The following SNRNP48 variants were observed in gnomAD, a reference collection of about 807,000 sequenced individuals.
The protein encoded by SNRNP48 is small nuclear ribonucleoprotein U11/U12 subunit 48.
Under a neutral mutation model 47.0 loss-of-function variants are expected in SNRNP48, and 43 were observed. The ratio of observed to expected loss-of-function variants is 0.92; its 90% CI spans 0.72 to 1.18. SNRNP48 has a LOEUF of 1.18. Among genes scored for constraint, SNRNP48 ranks in the 50% most tolerant of loss-of-function variants. SNRNP48 has a pLI of 0.00. For missense variants in SNRNP48, 396 were observed against 422.2 expected (o/e 0.94, Z 0.54); for synonymous variants, 138 against 144.0 (o/e 0.96, Z 0.30).
intron 1 of SNRNP48, among the ~76,000 whole-genome samples, chr6:7,590,894 C>G (rs189628837): frequency 1.4e-4 from 21 of 152,330 alleles, no homozygotes; most frequent in Admixed American, 4.6e-4. Flanking sequence ...GGAAGGATAG[C>G]TTGAGCCCAG....
chr6:7,606,700 A>G (rs1164929525), intron 8 of SNRNP48, among the ~76,000 whole-genome samples: 1 of 152,190 alleles, frequency 6.6e-6, no homozygotes, highest in Non-Finnish European at 1.5e-5. Context: ...AATGTAAATC[A>G]TTTGAGGTCT....
chr6:7,593,370 G>A (rs1240169555), intron 1 of SNRNP48, among the ~76,000 whole-genome samples: 1 of 152,108 alleles, frequency 6.6e-6, no homozygotes, highest in Admixed American at 6.5e-5. Flanking sequence ...ACAAGACAGT[G>A]ACATGTTTTT....
At chr6:7,599,789 T>G (rs1245028668) in intron 4 of SNRNP48, 3 of 1,255,990 alleles carry the variant, frequency 2.4e-6, no homozygotes, top group African/African-American at 1.5e-5. Flanking sequence ...AAACTTTATC[T>G]TAATACCTGT....
In SNRNP48 at chr6:7,590,387, G is replaced by T; in HGVS notation, c.130G>T (p.Asp44Tyr). 1 of 1,346,730 alleles carries T rather than the reference G, an allele frequency of 7.4e-7. No individual in the cohort carries two copies. Among genetic ancestry groups the T allele is most frequent in the Non-Finnish European group, 9.6e-7 (1 of 1,037,850 alleles). The allele number at this position is 1,346,730 out of a possible 1,614,324, so 83.4% of individuals were successfully genotyped here. The change falls in exon 1 of 9, where the codon GAT (aspartate) becomes TAT (tyrosine). Residue 44 changes from aspartate (D) to tyrosine (Y), a missense_variant. Transcript: ENST00000342415. ...ASLGWDLDSL[D>Y]PGEEEAAEDE... ...CCTGGGCTGGGACCTAGATAGTCTG[G>T]ATCCCGGGGAAGAGGAGGCGGCGGA...
intron 4 of SNRNP48, among the ~76,000 whole-genome samples, chr6:7,598,188 TC>T (rs1455319708): frequency 6.6e-6 from 1 of 150,818 alleles, no homozygotes; most frequent in Non-Finnish European, 1.5e-5. Flanking sequence ...TATATGATCT[TC>T]AACCTTCTTT....
chr6:7,593,676 T>G, intron 1 of SNRNP48, 58 bp from the exon 2 acceptor site: 1 of 1,088,148 alleles, frequency 9.2e-7, no homozygotes, highest in Non-Finnish European at 1.3e-6. Flanking sequence ...CATTTAATGG[T>G]AATTATTTAT....
At chr6:7,598,109 T>C (rs1157773695) in intron 4 of SNRNP48, among the ~76,000 whole-genome samples, 15 of 151,908 alleles carry the variant, frequency 9.9e-5, no homozygotes, top group East Asian at 2.0e-4. Context: ...CCTTGTGATC[T>C]GCCCACCTTG....
chr6:7,607,885 A>C (rs1162368079), intron 8 of SNRNP48, among the ~76,000 whole-genome samples: 1 of 152,230 alleles, frequency 6.6e-6, no homozygotes, highest in Non-Finnish European at 1.5e-5. Context: ...AATTAGGTTT[A>C]AAGCTACCTA....
At position 7,592,243 on chromosome 6, in the gene SNRNP48, G is replaced by A. The variant is rs116554069; in HGVS notation, c.157-1491G>A. On this transcript the variant is annotated intron_variant, in intron 1 of 8. Transcript: ENST00000342415. Reference sequence around the variant, plus strand: ...ATGTGTAGAAGTTCAGAGACAGGGAGTGACCAGATCGGGAAGCCTCAAGTA... The same window carrying A: ...ATGTGTAGAAGTTCAGAGACAGGGAATGACCAGATCGGGAAGCCTCAAGTA... 2.4e-3 allele frequency among the ~76,000 whole-genome samples: 361 copies of A among 152,254 alleles called. 1 individual carries two copies. The highest frequency in any genetic ancestry group is 4.5e-3 in the Non-Finnish European group (305 of 68,022).
At chr6:7,595,484 G>A (rs17338513) in intron 4 of SNRNP48, among the ~76,000 whole-genome samples, 4,315 of 152,286 alleles carry the variant, frequency 0.028, 82 homozygotes, top group South Asian at 0.048. Flanking sequence ...ACAATCACAA[G>A]GTTTTAGACT....
Position 7,609,034 on chromosome 6 carries a change from A to G in SNRNP48, c.*161A>G, listed in dbSNP as rs769746543. 4.9e-4 allele frequency: 179 copies of G among 368,144 alleles called. No individual in the cohort carries two copies. The highest frequency in any genetic ancestry group is 5.5e-4 in the Non-Finnish European group (110 of 200,048). 22.8% of individuals were successfully genotyped at this position (368,144 alleles called of 1,614,324 possible). A position where few individuals can be genotyped will look rare whatever the true frequency, so the allele number is the denominator to read the frequency against. On this transcript the variant is annotated 3_prime_UTR_variant, in exon 9 of 9. Transcript: ENST00000342415. ...TAGTGCTTATTATTTTCCAGTAAAT[A>G]TGCTTCAAACCATGAGTACACTATT... is the stretch of plus-strand genomic sequence containing the variant.
chr6:7,602,686 GA>G lies in SNRNP48; in HGVS notation c.661del (p.Arg221AspfsTer12). The G allele has an allele frequency of 6.2e-7, 1 of 1,606,442 alleles. No homozygotes were observed. Among genetic ancestry groups the G allele is most frequent in the South Asian group, 1.1e-5 (1 of 89,576 alleles). ...EILAEVRDYK[R>X]RRQSYRAKNV... ...CTGGCAGAAGTACGAGATTATAAAA[GA>G]AGACGCCAGTCCTATAGAGCCAAGA... On this transcript the variant is annotated frameshift_variant, in exon 6 of 9. Transcript: ENST00000342415. LOFTEE classifies it high-confidence loss of function.
Position 7,591,116 on chromosome 6 carries a change from G to A in SNRNP48, c.156+703G>A, listed in dbSNP as rs573309166. ...CGGTTTGCATTGTCATCTGTCATAC[G>A]GATTCCGCAGTTGCACCAGATTCGG... On this transcript the variant is annotated intron_variant, in intron 1 of 8. Coordinates refer to ENST00000342415, the MANE Select transcript of SNRNP48 (RefSeq NM_152551.4). Among the ~76,000 whole-genome samples, 5 of 152,282 alleles carry A rather than the reference G, an allele frequency of 3.3e-5. No homozygotes were observed. In the East Asian group the frequency reaches 9.6e-4, roughly 29 times the overall value.
At chr6:7,596,471 T>TGTAGTCATG (rs1759906151) in intron 4 of SNRNP48, among the ~76,000 whole-genome samples, 1 of 152,216 alleles carries the variant, frequency 6.6e-6, no homozygotes, top group African/African-American at 2.4e-5. Flanking sequence ...TTTACCAGGC[T>TGTAGTCATG]GTAGTCATGG....
chr6:7,608,721 C>T (rs897268154), intron 8 of SNRNP48, 104 bp from the exon 9 acceptor site: 13 of 421,488 alleles, frequency 3.1e-5, no homozygotes, highest in Middle Eastern at 7.5e-4. Context: ...GTTAAAGTAG[C>T]ATATTACTGT....
intron 2 of SNRNP48, 83 bp from the exon 3 acceptor site, chr6:7,594,012 TTAAG>T (rs879309039): frequency 7.1e-6 from 7 of 990,098 alleles, no homozygotes; most frequent in Middle Eastern, 2.1e-4. Flanking sequence ...TGAGAAATAA[TTAAG>T]TGATACTAAT....
In SNRNP48 at chr6:7,611,607, C is replaced by T. The variant is rs758306325; in HGVS notation, c.*2734C>T. 2.6e-5 allele frequency: 4 copies of T among 152,212 alleles called. No homozygotes were observed. The highest frequency in any genetic ancestry group is 2.1e-4 in the South Asian group (1 of 4,832). The allele number at this position is 152,212 out of a possible 1,614,324, so 9.4% of individuals were successfully genotyped here. Reference sequence around the variant, plus strand: ...TTCAAGTATTTGCCACTTTCGAGTACAGCTAATTGGATAATCTCAAACCCT... The same window carrying T: ...TTCAAGTATTTGCCACTTTCGAGTATAGCTAATTGGATAATCTCAAACCCT... On this transcript the variant is annotated 3_prime_UTR_variant, in exon 9 of 9. Transcript: ENST00000342415.
Position 7,593,388 on chromosome 6 carries a change from G to A in SNRNP48, c.157-346G>A, listed in dbSNP as rs531349291. 1.2e-3 allele frequency among the ~76,000 whole-genome samples: 176 copies of A among 152,238 alleles called. 2 individuals carry two copies. The highest frequency in any genetic ancestry group is 4.1e-3 in the African/African-American group (170 of 41,558). On this transcript the variant is annotated intron_variant, in intron 1 of 8. Coordinates refer to ENST00000342415, the MANE Select transcript of SNRNP48 (RefSeq NM_152551.4). ...AGACAGTGACATGTTTTTGGCTTTAGTAACAAGGTTATTAGTGACCTATTG... is the reference window on the plus strand; with the variant it reads ...AGACAGTGACATGTTTTTGGCTTTAATAACAAGGTTATTAGTGACCTATTG...
Position 7,606,174 on chromosome 6 carries a change from A to G in SNRNP48, c.950A>G (p.Glu317Gly). The G allele has an allele frequency of 6.2e-7, 1 of 1,611,206 alleles. No homozygotes were observed. Among genetic ancestry groups the G allele is most frequent in the South Asian group, 1.1e-5 (1 of 90,632 alleles). Residue 317 changes from glutamate (E) to glycine (G), a missense_variant, in exon 8 of 9, where the codon GAG becomes GGG. Physicochemically the swap from Glu to Gly is moderately conservative, Grantham distance 98. Coordinates refer to ENST00000342415, the MANE Select transcript of SNRNP48 (RefSeq NM_152551.4). The part of the protein sequence containing the change: ...KRNKDKDKNC[E>G]SRRRKERDGE... ...AACAAAGATAAGGATAAAAACTGTG[A>G]GTCGAGAAGAAGGAAAGAGAGGTGG...
Sources: gnomAD v4.1 joint callset for allele counts (sites outside exome capture counted in the v4.1 genomes callset) on GRCh38, gnomAD v4.1.1 for gene constraint, MANE v1.5 for transcripts, NCBI Gene and HGNC (gene_info 2026-07-23, HGNC 2026-07-21) for gene names.